Variants in ICA1L observed in about 807,000 individuals in gnomAD.
ICA1L encodes islet cell autoantigen 1 like, also known as islet cell autoantigen 1-like protein.
ICA1L carries 50 observed loss-of-function variants against 61.3 expected under a neutral mutation model. The ratio of observed to expected loss-of-function variants is 0.82; its 90% confidence interval spans 0.65 to 1.03. The LOEUF (loss-of-function observed/expected upper bound fraction) is 1.03. ICA1L is among the 50% of genes least tolerant of loss of function. The probability of loss-of-function intolerance (pLI) is 0.00; values close to 1 mark genes in which losing one functional copy is unlikely to be tolerated. For synonymous variants in ICA1L, 161 were observed against 191.3 expected, an observed-to-expected ratio of 0.84 and a Z score of 1.31; for missense variants, 508 against 556.7, an observed-to-expected ratio of 0.91 and a Z score of 0.88.
At chr2:202,835,729 TG>T (rs1694131758) in intron 1 of ICA1L, among the ~76,000 whole-genome samples, 1 of 151,706 alleles carries the variant, frequency 6.6e-6, no homozygotes, top group Non-Finnish European at 1.5e-5. Context: ...TTTTATTTTT[TG>T]TAGAGATGGG....
At chr2:202,869,434 A>T (rs1199554321) in intron 1 of ICA1L, 2 of 152,250 alleles carry the variant, frequency 1.3e-5, no homozygotes, top group Non-Finnish European at 2.9e-5. Context: ...ATGCAATATG[A>T]TGTAACTTAT....
intron 9 of ICA1L, among the ~76,000 whole-genome samples, chr2:202,810,677 G>A (rs1693350345): frequency 6.6e-6 from 1 of 152,184 alleles, no homozygotes; most frequent in Non-Finnish European, 1.5e-5. Flanking sequence ...TGCTGGTGAG[G>A]CAGGCAGAAC....
intron 1 of ICA1L, among the ~76,000 whole-genome samples, chr2:202,837,739 TTTTC>T (rs1172703874): frequency 6.6e-6 from 1 of 152,078 alleles, no homozygotes; most frequent in Non-Finnish European, 1.5e-5. Context: ...TATTTAGGGC[TTTTC>T]TTTTTTTTTT....
intron 1 of ICA1L, among the ~76,000 whole-genome samples, chr2:202,865,141 C>T (rs772757082): frequency 1.4e-5 from 2 of 147,840 alleles, no homozygotes; most frequent in African/African-American, 2.5e-5. Context: ...TCAGCCTGGG[C>T]GACAGGGTGA....
intron 9 of ICA1L, among the ~76,000 whole-genome samples, chr2:202,802,873 G>A (rs545500772): frequency 2.6e-5 from 4 of 152,080 alleles, no homozygotes; most frequent in African/African-American, 9.6e-5. Flanking sequence ...TGGGGAGGAT[G>A]AAGAAAACTT....
rs1025590849 is a variant in ICA1L at position 202,774,148 on chromosome 2, T to C, written c.*5385A>G. On this transcript the variant is annotated 3_prime_UTR_variant, in exon 13 of 13. Transcript: ENST00000358299. ...ACTCTTCATTAATCAATTCATTTGT[T>C]GATGCTTCATATCTGAGCGGCTTCT... is the stretch of plus-strand genomic sequence containing the variant. 2.0e-4 allele frequency: 299 copies of C among 1,505,424 alleles called. 1 individual carries two copies. The highest frequency in any genetic ancestry group is 1.0e-4 in the Non-Finnish European group (113 of 1,106,290). The allele number at this position is 1,505,424 out of a possible 1,614,324, so 93.3% of individuals were successfully genotyped here. A position where few individuals can be genotyped will look rare whatever the true frequency, so the allele number is the denominator to read the frequency against.
chr2:202,792,433 AC>A (rs1225907749), intron 10 of ICA1L, among the ~76,000 whole-genome samples: 1 of 152,220 alleles, frequency 6.6e-6, no homozygotes, highest in Non-Finnish European at 1.5e-5. Flanking sequence ...ATTATAAACA[AC>A]CCAAATGTCC....
intron 2 of ICA1L, 53 bp from the exon 3 acceptor site, chr2:202,825,820 GT>G (rs1693828859): frequency 9.4e-7 from 1 of 1,066,064 alleles, no homozygotes; most frequent in Non-Finnish European, 1.4e-6. Context: ...ACAAATATAT[GT>G]TATAAGCACC....
At chr2:202,860,727 A>T (rs905060600) in intron 1 of ICA1L, among the ~76,000 whole-genome samples, 1 of 152,070 alleles carries the variant, frequency 6.6e-6, no homozygotes, top group Admixed American at 6.6e-5. Flanking sequence ...ACTGTAGCTT[A>T]GGCAAGGGAG....
Position 202,774,437 on chromosome 2 carries a change from C to A in ICA1L, c.*5096G>T. ...TCGAGCCCCTGGCTCCCCGTTCGTC[C>A]AGGCCAGCTCAAGAAACAACTTTTT... On this transcript the variant is annotated 3_prime_UTR_variant, in exon 13 of 13. Coordinates refer to ENST00000358299, the MANE Select transcript of ICA1L (RefSeq NM_001288622.3). The A allele has an allele frequency of 1.5e-6, 1 of 655,000 alleles. No individual in the cohort carries two copies. The highest frequency in any genetic ancestry group is 2.3e-6 in the Non-Finnish European group (1 of 438,720). 40.6% of individuals were successfully genotyped at this position (655,000 alleles called of 1,614,324 possible).
intron 2 of ICA1L, among the ~76,000 whole-genome samples, chr2:202,828,404 G>A (rs1174058497): frequency 6.6e-6 from 1 of 151,954 alleles, no homozygotes; most frequent in African/African-American, 2.4e-5. Context: ...AAAGGCATTA[G>A]GAAATATTTC....
rs1692249523 is a variant in ICA1L at position 202,777,077 on chromosome 2, G to GAGTC, written c.*2452_*2455dup. On this transcript the variant is annotated 3_prime_UTR_variant, in exon 13 of 13. Coordinates refer to ENST00000358299, the MANE Select transcript of ICA1L (RefSeq NM_001288622.3). Reference sequence around the variant, plus strand: ...TTTTTTTTTTTTTTTTTTTTTGAGAGAGTCGCTCTCTGTTGCCCAGGCTGG... The same window carrying GAGTC: ...TTTTTTTTTTTTTTTTTTTTTGAGAGAGTCAGTCGCTCTCTGTTGCCCAGGCTGG... 9.1e-6 allele frequency: 1 copy of GAGTC among 109,866 alleles called. No individual in the cohort carries two copies. The highest frequency in any genetic ancestry group is 1.6e-5 in the Non-Finnish European group (1 of 60,632). 6.8% of individuals were successfully genotyped at this position (109,866 alleles called of 1,614,324 possible). A position where few individuals can be genotyped will look rare whatever the true frequency, so the allele number is the denominator to read the frequency against.
chr2:202,861,097 G>C (rs1263738881), intron 1 of ICA1L, among the ~76,000 whole-genome samples: 1 of 151,650 alleles, frequency 6.6e-6, no homozygotes, highest in African/African-American at 2.4e-5. Flanking sequence ...GGGTGTGGTG[G>C]CGGGTGCCTG....
chr2:202,862,598 A>C (rs1694951146), intron 1 of ICA1L, among the ~76,000 whole-genome samples: 1 of 152,184 alleles, frequency 6.6e-6, no homozygotes, highest in African/African-American at 2.4e-5. Flanking sequence ...GCACTTTGGG[A>C]GGGCGAGGCG....
At position 202,831,521 on chromosome 2, in the gene ICA1L, A is replaced by G. The variant is rs181558288; in HGVS notation, c.-7-2505T>C. Among the ~76,000 whole-genome samples, 521 of 152,294 alleles carry G rather than the reference A, an allele frequency of 3.4e-3. 1 individual carries two copies. The highest frequency in any genetic ancestry group is 4.6e-3 in the Non-Finnish European group (311 of 68,012). ...TAAACTGACTGCAGGTTTAGGCTCA[A>G]TTCGAAGAACAAAATACTAGGGAGT... On this transcript the variant is annotated intron_variant, in intron 1 of 12. Coordinates refer to ENST00000358299, the MANE Select transcript of ICA1L (RefSeq NM_001288622.3).
In ICA1L at chr2:202,773,835, C is replaced by T. The variant is rs911100303; in HGVS notation, c.*5698G>A. The T allele has an allele frequency of 3.2e-4, 443 of 1,373,564 alleles. No individual in the cohort carries two copies. Among genetic ancestry groups the T allele is most frequent in the Admixed American group, 5.6e-4 (33 of 59,262 alleles). 85.1% of individuals were successfully genotyped at this position (1,373,564 alleles called of 1,614,324 possible). ...AAAGCAAAGGCTAGCTGTGCAAGTG[C>T]AGCCCTGTGGGAAGTTTTCTTCTAC... On this transcript the variant is annotated 3_prime_UTR_variant, in exon 13 of 13. Coordinates refer to ENST00000358299, the MANE Select transcript of ICA1L (RefSeq NM_001288622.3).
intron 1 of ICA1L, among the ~76,000 whole-genome samples, chr2:202,837,314 GTC>G (rs1694181794): frequency 6.7e-6 from 1 of 150,200 alleles, no homozygotes; most frequent in Non-Finnish European, 1.5e-5. Flanking sequence ...TTGAGACAGA[GTC>G]TCTGTCACCC....
At chr2:202,831,712 C>G (rs1252107075) in intron 1 of ICA1L, among the ~76,000 whole-genome samples, 1 of 152,156 alleles carries the variant, frequency 6.6e-6, no homozygotes, top group Non-Finnish European at 1.5e-5. Flanking sequence ...AACTATCTTG[C>G]CTGCAGAGGG....
intron 1 of ICA1L, chr2:202,841,162 T>C: frequency 1.5e-6 from 1 of 658,126 alleles, no homozygotes; most frequent in South Asian, 1.5e-5. Context: ...AGCTCTACCT[T>C]GTTCATATAA....
Sources: gnomAD v4.1 joint callset for allele counts (sites outside exome capture counted in the v4.1 genomes callset) on GRCh38, gnomAD v4.1.1 for gene constraint, MANE v1.5 for transcripts, NCBI Gene and HGNC (gene_info 2026-07-23, HGNC 2026-07-21) for gene names.